Variants in MAPKBP1 observed in about 807,000 individuals in gnomAD.
MAPKBP1 encodes mitogen-activated protein kinase binding protein 1.
Under a neutral mutation model 170.5 loss-of-function variants are expected in MAPKBP1, and 71 were observed. The observed-to-expected ratio is 0.42, with a 90% CI of 0.34 to 0.51. The LOEUF (loss-of-function observed/expected upper bound fraction) is 0.51. Ranked by LOEUF, MAPKBP1 falls within the 20% of genes least tolerant of loss-of-function variation. The pLI is 0.06. For missense variants in MAPKBP1, 1,598 were observed against 1,933.0 expected (o/e 0.83, Z 3.25); for synonymous variants, 719 against 757.9 (o/e 0.95, Z 0.84).
At chr15:41,812,775 G>C in intron 7 of MAPKBP1, 122 bp downstream of exon 7, 1 of 1,459,498 alleles carries the variant, frequency 6.9e-7, no homozygotes, top group Non-Finnish European at 9.2e-7. Context: ...CAGAAGTTTT[G>C]GATGAGCCAG....
Position 41,813,779 on chromosome 15 carries a change from C to A in MAPKBP1, c.978C>A (p.Ala326=), listed in dbSNP as rs1161872336. The part of the protein sequence containing the change: ...LGTDIASVTE[A]SRLFSGVANA... ...CAGACATTGCTAGCGTCACCGAGGC[C>A]AGGTGAGCTATGTGGGCCCCCCTTC... Residue 326 remains alanine (A), a splice_region_variant and synonymous_variant, in exon 9 of 31, where the codon GCC becomes GCA. Coordinates refer to ENST00000457542, the MANE Select transcript of MAPKBP1 (RefSeq NM_014994.3). 6.3e-7 allele frequency: 1 copy of A among 1,589,988 alleles called. No individual in the cohort carries two copies. Among genetic ancestry groups the A allele is most frequent in the Non-Finnish European group, 8.6e-7 (1 of 1,168,268 alleles).
chr15:41,810,328 G>C (rs916056555), intron 3 of MAPKBP1, among the ~76,000 whole-genome samples: 1 of 152,110 alleles, frequency 6.6e-6, no homozygotes, highest in South Asian at 2.1e-4. Context: ...GGCCTGGCTG[G>C]GGGGACAGGC....
chr15:41,774,547 T>C lies in MAPKBP1; in HGVS notation c.-173T>C, dbSNP rs890354721. On this transcript the variant is annotated 5_prime_UTR_variant, in exon 1 of 31. Transcript: ENST00000457542. ...ACCGCTGCGGCTACCGCGGCGGAGC[T>C]GAAATTGCCGAACGCGATGCCCGAG... 83 of 398,630 alleles carry C rather than the reference T, an allele frequency of 2.1e-4. No homozygotes were observed. Among genetic ancestry groups the C allele is most frequent in the Admixed American group, 3.1e-4 (7 of 22,738 alleles). 24.7% of individuals were successfully genotyped at this position (398,630 alleles called of 1,614,324 possible).
chr15:41,809,224 CAG>C (rs1389067127), intron 3 of MAPKBP1, among the ~76,000 whole-genome samples: 1 of 150,722 alleles, frequency 6.6e-6, no homozygotes, highest in East Asian at 1.9e-4. Context: ...CTCAAAAAAA[CAG>C]AGAAAGGAAA....
chr15:41,774,969 G>A (rs1018307092), intron 1 of MAPKBP1, 198 bp from the exon 2 acceptor site: 7 of 483,994 alleles, frequency 1.4e-5, no homozygotes, highest in Non-Finnish European at 2.5e-5. Flanking sequence ...GGCGGGCGTG[G>A]GCCTGGCATT....
intron 2 of MAPKBP1, among the ~76,000 whole-genome samples, chr15:41,777,515 G>A (rs554735024): frequency 6.9e-4 from 105 of 152,280 alleles, no homozygotes; most frequent in African/African-American, 2.5e-3. Flanking sequence ...GCTTTAGATG[G>A]CTTTGTCTGT....
chr15:41,810,226 A>T (rs2064778371), intron 3 of MAPKBP1, among the ~76,000 whole-genome samples: 1 of 150,780 alleles, frequency 6.6e-6, no homozygotes, highest in Non-Finnish European at 1.5e-5. Flanking sequence ...TCCCTCCTAC[A>T]CCCCTTCCTG....
chr15:41,784,850 A>G (rs538325501), intron 2 of MAPKBP1, among the ~76,000 whole-genome samples: 39 of 147,816 alleles, frequency 2.6e-4, no homozygotes, highest in Non-Finnish European at 6.0e-5. Flanking sequence ...TTTGAGTCCC[A>G]GAGTTCAAGA....
At chr15:41,791,814 C>T (rs1684478934) in intron 2 of MAPKBP1, among the ~76,000 whole-genome samples, 1 of 152,098 alleles carries the variant, frequency 6.6e-6, no homozygotes, top group South Asian at 2.1e-4. Context: ...CTCATCTTCT[C>T]CATGCTCTAA....
rs150095686 is a variant in MAPKBP1, at chr15:41,802,588, C to G, written c.206+2674C>G. 8.0e-3 allele frequency among the ~76,000 whole-genome samples: 1,223 copies of G among 152,270 alleles called. 9 individuals are homozygous for G. Among genetic ancestry groups the G allele is most frequent in the African/African-American group, 0.028 (1,168 of 41,538 alleles). The stretch of plus-strand genomic sequence containing the variant: ...TCCTGGGTTCAAGTGATTCTCCTGC[C>G]TCAGCCTCCTGAGTAGTTGGGATTA... On this transcript the variant is annotated intron_variant, in intron 3 of 30. Coordinates refer to ENST00000457542, the MANE Select transcript of MAPKBP1 (RefSeq NM_014994.3).
In MAPKBP1 at chr15:41,784,893, TAAAAAAAAAAAA is replaced by T. The variant is rs35451237; in HGVS notation, c.114+9518_114+9529del. ...GGGCAACATGGCGAAACCCTATCTG[TAAAAAAAAAAAA>T]AAAAAAAAAAAAATTAGTTGGGCAT... On this transcript the variant is annotated intron_variant, in intron 2 of 30. Coordinates refer to ENST00000457542, the MANE Select transcript of MAPKBP1 (RefSeq NM_014994.3). 3.7e-3 allele frequency among the ~76,000 whole-genome samples: 396 copies of T among 105,664 alleles called. 1 individual carries two copies. Among genetic ancestry groups the T allele is most frequent in the Middle Eastern group, 0.013 (3 of 224 alleles). The allele number at this position is 105,664 out of a possible 152,430, so 69.3% of individuals were successfully genotyped here. A position where few individuals can be genotyped will look rare whatever the true frequency, so the allele number is the denominator to read the frequency against.
intron 3 of MAPKBP1, among the ~76,000 whole-genome samples, chr15:41,807,069 G>A (rs1473238812): frequency 1.3e-5 from 2 of 152,208 alleles, no homozygotes; most frequent in African/African-American, 4.8e-5. Flanking sequence ...TTGCTTAAGG[G>A]ATGACCTCTG....
intron 2 of MAPKBP1, among the ~76,000 whole-genome samples, chr15:41,784,875 A>C (rs1463991327): frequency 7.0e-6 from 1 of 143,874 alleles, no homozygotes; most frequent in African/African-American, 2.6e-5. Context: ...CCTGGGCAAC[A>C]TGGCGAAACC....
At chr15:41,822,802 T>A in intron 27 of MAPKBP1, 125 bp downstream of exon 27, 1 of 1,456,678 alleles carries the variant, frequency 6.9e-7, no homozygotes, top group Non-Finnish European at 9.5e-7. Context: ...AGTTTTGGGC[T>A]AACTGGCCTT....
In MAPKBP1 at chr15:41,775,266, T is replaced by C. The variant is rs2064077790; in HGVS notation, c.-10T>C. The C allele has an allele frequency of 6.2e-7, 1 of 1,611,022 alleles. No individual in the cohort carries two copies. The highest frequency in any genetic ancestry group is 8.5e-7 in the Non-Finnish European group (1 of 1,177,282). On this transcript the variant is annotated 5_prime_UTR_variant, in exon 2 of 31. Coordinates refer to ENST00000457542, the MANE Select transcript of MAPKBP1 (RefSeq NM_014994.3). ...GGGCCGGGGACTGTCCCAAAGGGTT[T>C]CTCGTCATAATGGCTGTGGAAGGGT...
chr15:41,811,794 C>A lies in MAPKBP1; in HGVS notation c.328-163C>A, dbSNP rs778177463. 3 of 754,386 alleles carry A rather than the reference C, an allele frequency of 4.0e-6. No individual in the cohort carries two copies. In the South Asian group the frequency reaches 4.4e-5, roughly 11 times the overall value. 46.7% of individuals were successfully genotyped at this position (754,386 alleles called of 1,614,324 possible). ...TCTTCCTGGTAATCACTGTTGCCCTCAGATCTTTATCATATTTCCTCTATA... is the reference window on the plus strand; with the variant it reads ...TCTTCCTGGTAATCACTGTTGCCCTAAGATCTTTATCATATTTCCTCTATA... On this transcript the variant is annotated intron_variant, in intron 5 of 30. Transcript: ENST00000457542.
intron 3 of MAPKBP1, 121 bp from the exon 4 acceptor site, chr15:41,810,762 C>T: frequency 1.5e-6 from 1 of 681,336 alleles, no homozygotes; most frequent in South Asian, 1.9e-5. Context: ...AACAGTGGAG[C>T]CCTTCTGAGC....
intron 2 of MAPKBP1, among the ~76,000 whole-genome samples, chr15:41,784,893 T>TAAAAA (rs35451237): frequency 3.8e-5 from 4 of 105,682 alleles, no homozygotes; most frequent in Non-Finnish European, 5.5e-5. Context: ...ACCCTATCTG[T>TAAAAA]AAAAAAAAAA....
chr15:41,819,541 G>T, intron 21 of MAPKBP1, 54 bp from the exon 22 acceptor site: 2 of 1,499,852 alleles, frequency 1.3e-6, no homozygotes, highest in South Asian at 1.2e-5. Context: ...CTCCAGGGTT[G>T]GGTGGCGGGG....
Sources: allele counts gnomAD v4.1 joint callset (sites outside exome capture counted in the v4.1 genomes callset), GRCh38; gene constraint gnomAD v4.1.1; transcripts MANE v1.5; gene names NCBI Gene and HGNC (gene_info 2026-07-23, HGNC 2026-07-21).